SRD5A1: variants seen among roughly 807,000 people sequenced by gnomAD.
The protein encoded by SRD5A1 is steroid 5 alpha-reductase 1.
SRD5A1 carries 22 observed loss-of-function variants against 28.2 expected under a neutral mutation model. The observed-to-expected ratio is 0.78, with a 90% CI of 0.56 to 1.12. The LOEUF (loss-of-function observed/expected upper bound fraction) is 1.12, where lower values mean the gene tolerates loss of function less well. SRD5A1 is among the 50% of genes most tolerant of loss of function. The probability of loss-of-function intolerance (pLI) is 0.00; values close to 1 mark genes in which losing one functional copy is unlikely to be tolerated. For synonymous variants in SRD5A1, 151 were observed against 135.0 expected, an observed-to-expected ratio of 1.12 and a Z score of -0.82; for missense variants, 300 against 346.7, an observed-to-expected ratio of 0.87 and a Z score of 1.07.
chr5:6,663,084 C>A, intron 4 of SRD5A1, 118 bp downstream of exon 4: 2 of 1,318,078 alleles, frequency 1.5e-6, no homozygotes, highest in Non-Finnish European at 2.1e-6. Context: ...TTATTCTGTG[C>A]TTTGGCCAAA....
chr5:6,644,003 A>G (rs1290194857), intron 1 of SRD5A1, among the ~76,000 whole-genome samples: 1 of 152,172 alleles, frequency 6.6e-6, no homozygotes, highest in African/African-American at 2.4e-5. Context: ...AATTCAACCC[A>G]CAACTTAGAA....
chr5:6,666,248 CGCCATTCTCCT>C (rs1739171516), intron 4 of SRD5A1, among the ~76,000 whole-genome samples: 1 of 151,960 alleles, frequency 6.6e-6, no homozygotes, highest in African/African-American at 2.4e-5. Flanking sequence ...CCCAGGTTCA[CGCCATTCTCCT>C]GCCTCAGCCT....
At chr5:6,641,709 A>C (rs1162359879) in intron 1 of SRD5A1, among the ~76,000 whole-genome samples, 1 of 152,254 alleles carries the variant, frequency 6.6e-6, no homozygotes, top group Non-Finnish European at 1.5e-5. Flanking sequence ...TCAGACATTC[A>C]CATGAGACAA....
chr5:6,654,406 T>C (rs1427730540), intron 2 of SRD5A1, among the ~76,000 whole-genome samples: 1 of 151,052 alleles, frequency 6.6e-6, no homozygotes, highest in East Asian at 2.0e-4. Context: ...TAATCTAAAA[T>C]ATTTTATAGA....
intron 1 of SRD5A1, among the ~76,000 whole-genome samples, chr5:6,642,646 C>T (rs1738399276): frequency 6.6e-6 from 1 of 152,238 alleles, no homozygotes; most frequent in East Asian, 1.9e-4. Flanking sequence ...ATGAGTTTTG[C>T]ACAAGTGCTG....
chr5:6,636,389 T>C (rs895964508), intron 1 of SRD5A1, among the ~76,000 whole-genome samples: 2 of 152,158 alleles, frequency 1.3e-5, no homozygotes, highest in South Asian at 2.1e-4. Flanking sequence ...ATGACTCTTA[T>C]GAAAGGCAGG....
chr5:6,658,175 A>G (rs1738887754), intron 3 of SRD5A1, among the ~76,000 whole-genome samples: 1 of 151,938 alleles, frequency 6.6e-6, no homozygotes, highest in Admixed American at 6.6e-5. Flanking sequence ...AAACACAAAA[A>G]TTAGCTGGGC....
chr5:6,653,804 G>C (rs958392518), intron 2 of SRD5A1, among the ~76,000 whole-genome samples: 1 of 152,102 alleles, frequency 6.6e-6, no homozygotes, highest in South Asian at 2.1e-4. Context: ...GCATCACGTA[G>C]AGGTGACTGT....
At chr5:6,662,551 G>C (rs754219687) in intron 3 of SRD5A1, among the ~76,000 whole-genome samples, 4 of 152,180 alleles carry the variant, frequency 2.6e-5, no homozygotes, top group African/African-American at 4.8e-5. Context: ...AGGTGCACTG[G>C]TTTATTGGTG....
At chr5:6,650,231 G>A (rs1464460993) in intron 1 of SRD5A1, among the ~76,000 whole-genome samples, 2 of 151,900 alleles carry the variant, frequency 1.3e-5, no homozygotes, top group Non-Finnish European at 2.9e-5. Context: ...GACATAGAGA[G>A]ACCCTGTCTC....
chr5:6,636,329 C>A (rs1046962117), intron 1 of SRD5A1, among the ~76,000 whole-genome samples: 29 of 152,274 alleles, frequency 1.9e-4, no homozygotes, highest in African/African-American at 7.0e-4. Context: ...CAGGGCCCTG[C>A]AGAGAACGGA....
rs1299414899 is a variant in SRD5A1, at chr5:6,633,776, C to T, written c.200C>T (p.Pro67Leu). ...VVQELPSLAL[P>L]LYQYASESAP... The stretch of plus-strand genomic sequence containing the variant: ...CAGGAGCTGCCCTCGCTGGCCCTGC[C>T]GCTCTACCAGTACGCCAGCGAGTCC... Residue 67 changes from proline to leucine, a missense_variant, in exon 1 of 5, where the codon CCG (proline) becomes CTG (leucine). Coordinates refer to ENST00000274192, the MANE Select transcript of SRD5A1 (RefSeq NM_001047.4). 2 of 1,597,576 alleles carry T rather than the reference C, an allele frequency of 1.3e-6. No individual in the cohort carries two copies. Among genetic ancestry groups the T allele is most frequent in the South Asian group, 1.1e-5 (1 of 91,046 alleles).
At chr5:6,656,251 C>A in intron 3 of SRD5A1, 72 bp downstream of exon 3, 1 of 1,210,306 alleles carries the variant, frequency 8.3e-7, no homozygotes, top group Non-Finnish European at 1.2e-6. Context: ...GTGTTGCCAG[C>A]TCTAAGAAGT....
intron 2 of SRD5A1, among the ~76,000 whole-genome samples, chr5:6,652,338 A>T (rs1389141875): frequency 1.3e-5 from 2 of 152,162 alleles, no homozygotes; most frequent in African/African-American, 4.8e-5. Flanking sequence ...TTGACCACAT[A>T]ATCTCCTGCG....
At chr5:6,664,553 C>T (rs1349413215) in intron 4 of SRD5A1, among the ~76,000 whole-genome samples, 2 of 152,160 alleles carry the variant, frequency 1.3e-5, no homozygotes, top group African/African-American at 4.8e-5. Flanking sequence ...TACAGGCATG[C>T]ACCACCAGGC....
At chr5:6,655,388 G>C (rs979200405) in intron 2 of SRD5A1, among the ~76,000 whole-genome samples, 1 of 152,194 alleles carries the variant, frequency 6.6e-6, no homozygotes, top group Non-Finnish European at 1.5e-5. Flanking sequence ...CTGCGGATTC[G>C]TAAGAATAGG....
At chr5:6,659,304 G>A (rs752210175) in intron 3 of SRD5A1, among the ~76,000 whole-genome samples, 1 of 151,820 alleles carries the variant, frequency 6.6e-6, no homozygotes, top group East Asian at 2.0e-4. Context: ...TACTAGAGAT[G>A]GGGTTTCACC....
At chr5:6,637,032 A>G (rs1033574907) in intron 1 of SRD5A1, among the ~76,000 whole-genome samples, 10 of 152,124 alleles carry the variant, frequency 6.6e-5, no homozygotes, top group African/African-American at 2.4e-4. Context: ...CGGTAGCGAC[A>G]AGGATTGCCT....
Position 6,645,988 on chromosome 5 carries a change from T to TC in SRD5A1, c.294-5849dup, listed in dbSNP as rs762578490. Among the ~76,000 whole-genome samples the TC allele has an allele frequency of 9.9e-4, 150 of 152,208 alleles. 1 individual carries two copies. The highest frequency in any genetic ancestry group is 1.6e-3 in the Non-Finnish European group (109 of 68,018). On this transcript the variant is annotated intron_variant, in intron 1 of 4. Transcript: ENST00000274192. ...TAGGTATTTCTCCTAATGCTATCCT[T>TC]CCCCCGATCCCCCACCCCACAACAG...
Sources: gnomAD v4.1 joint callset for allele counts (sites outside exome capture counted in the v4.1 genomes callset) on GRCh38, gnomAD v4.1.1 for gene constraint, MANE v1.5 for transcripts, NCBI Gene and HGNC (gene_info 2026-07-23, HGNC 2026-07-21) for gene names.